PLEKHH2: variants seen among roughly 807,000 people sequenced by gnomAD.
PLEKHH2 encodes the protein pleckstrin homology domain-containing family H member 2.
In PLEKHH2, 129 loss-of-function variants were observed where a neutral mutation model predicts 187.9. That is an observed-to-expected ratio of 0.69 (90% confidence interval 0.59 to 0.79). The LOEUF is 0.79. Among genes scored for constraint, PLEKHH2 ranks in the 30% least tolerant of loss-of-function variants. PLEKHH2 has a pLI of 0.00. For missense variants in PLEKHH2, 2,076 were observed against 1,751.2 expected (o/e 1.19, Z -3.31); for synonymous variants, 686 against 605.6 (o/e 1.13, Z -1.95).
chr2:43,689,960 C>G (rs1296340289), intron 3 of PLEKHH2, among the ~76,000 whole-genome samples: 1 of 152,204 alleles, frequency 6.6e-6, no homozygotes, highest in Non-Finnish European at 1.5e-5. Flanking sequence ...CTTGCTTTAA[C>G]TTAATAAAAG....
At chr2:43,680,839 T>C (rs961356458) in intron 3 of PLEKHH2, 3 of 479,396 alleles carry the variant, frequency 6.3e-6, no homozygotes, top group Non-Finnish European at 1.1e-5. Context: ...TTGCTTGACT[T>C]ATTTGATTTC....
Position 43,753,583 on chromosome 2 carries a change from ATAATTTAATGAGAAATT to A in PLEKHH2, c.3654-33_3654-17del. The A allele has an allele frequency of 7.1e-7, 1 of 1,406,386 alleles. No individual in the cohort carries two copies. Among genetic ancestry groups the A allele is most frequent in the Non-Finnish European group, 9.4e-7 (1 of 1,061,624 alleles). The allele number at this position is 1,406,386 out of a possible 1,614,324, so 87.1% of individuals were successfully genotyped here. ...CTTTACTTTATTTCCTTGTAAGAATATAATTTAATGAGAAATTTACTCTTTTTTTTTACAGACTATAT... is the reference window on the plus strand; with the variant it reads ...CTTTACTTTATTTCCTTGTAAGAATATACTCTTTTTTTTTACAGACTATAT... On this transcript the variant is annotated intron_variant, in intron 24 of 29. Coordinates refer to ENST00000282406, the MANE Select transcript of PLEKHH2 (RefSeq NM_172069.4).
intron 27 of PLEKHH2, among the ~76,000 whole-genome samples, chr2:43,760,273 A>T (rs1672369409): frequency 6.6e-6 from 1 of 151,574 alleles, no homozygotes; most frequent in Admixed American, 6.6e-5. Flanking sequence ...TTCTTTCTTT[A>T]TAACAAGCGA....
intron 10 of PLEKHH2, among the ~76,000 whole-genome samples, chr2:43,707,110 C>G (rs997090623): frequency 1.4e-5 from 2 of 145,610 alleles, no homozygotes; most frequent in African/African-American, 5.2e-5. Context: ...TCAGGAGAAT[C>G]GCTTGAACCT....
intron 20 of PLEKHH2, among the ~76,000 whole-genome samples, chr2:43,739,933 A>G (rs368142927): frequency 2.0e-5 from 3 of 152,180 alleles, no homozygotes; most frequent in African/African-American, 7.2e-5. Context: ...TCCATTGGTT[A>G]TGCTTTAAAA....
intron 17 of PLEKHH2, among the ~76,000 whole-genome samples, chr2:43,728,435 G>A (rs1459572932): frequency 3.0e-5 from 4 of 134,794 alleles, no homozygotes; most frequent in Non-Finnish European, 4.6e-5. Flanking sequence ...TCGAGATCGC[G>A]CCATTGCACT....
intron 14 of PLEKHH2, chr2:43,710,870 T>C (rs949798469): frequency 1.7e-6 from 2 of 1,148,116 alleles, no homozygotes; most frequent in Admixed American, 4.5e-5. Context: ...GAAGCTATTT[T>C]AAGGAAGGGT....
Position 43,757,513 on chromosome 2 carries a change from G to A in PLEKHH2, c.3941+249G>A, listed in dbSNP as rs974189404. Among the ~76,000 whole-genome samples the A allele has an allele frequency of 7.4e-5, 11 of 149,626 alleles. No individual in the cohort carries two copies. Among genetic ancestry groups the A allele is most frequent in the African/African-American group, 2.0e-4 (8 of 40,500 alleles). On this transcript the variant is annotated intron_variant, in intron 26 of 29. Transcript: ENST00000282406. Reference sequence around the variant, plus strand: ...CGGCTCACTGCAAGCTCCGCCTCCCGGGTACAGCCATTCTCATGCCTCAGC... The same window carrying A: ...CGGCTCACTGCAAGCTCCGCCTCCCAGGTACAGCCATTCTCATGCCTCAGC...
intron 2 of PLEKHH2, among the ~76,000 whole-genome samples, chr2:43,650,562 CAA>C (rs764017842): frequency 2.9e-4 from 44 of 152,046 alleles, no homozygotes; most frequent in Admixed American, 2.4e-3. Flanking sequence ...GAGTATTTTG[CAA>C]AGTTATTGTC....
intron 3 of PLEKHH2, among the ~76,000 whole-genome samples, chr2:43,684,346 C>T (rs868230904): frequency 9.9e-5 from 15 of 152,104 alleles, no homozygotes; most frequent in Middle Eastern, 3.4e-3. Context: ...TCTTCCCTAT[C>T]TTTCCCTTCC....
At position 43,670,474 on chromosome 2, in the gene PLEKHH2, G is replaced by GA. The variant is rs535837682; in HGVS notation, c.124-8381dup. 1.1e-4 allele frequency among the ~76,000 whole-genome samples: 16 copies of GA among 151,684 alleles called. No individual in the cohort carries two copies. The East Asian group carries it at 2.3e-3, about 22-fold the overall frequency. ...AAGATAGAGTAAACCAATAAAAATT[G>GA]AAAAAAAATTGATTGCATATTTTAA... On this transcript the variant is annotated intron_variant, in intron 2 of 29. Coordinates refer to ENST00000282406, the MANE Select transcript of PLEKHH2 (RefSeq NM_172069.4).
intron 2 of PLEKHH2, among the ~76,000 whole-genome samples, chr2:43,666,243 GCATCCGT>G (rs1667198565): frequency 6.6e-6 from 1 of 150,942 alleles, no homozygotes; most frequent in South Asian, 2.1e-4. Flanking sequence ...TTTTCCAGGT[GCATCCGT>G]CACCCCTTTC....
intron 17 of PLEKHH2, among the ~76,000 whole-genome samples, chr2:43,728,194 G>T (rs556922196): frequency 6.6e-6 from 1 of 152,110 alleles, no homozygotes; most frequent in East Asian, 1.9e-4. Flanking sequence ...CTAAGAAAAT[G>T]TTGGCCAGGC....
At chr2:43,754,399 A>C (rs2104617258) in intron 25 of PLEKHH2, among the ~76,000 whole-genome samples, 1 of 151,398 alleles carries the variant, frequency 6.6e-6, no homozygotes, top group East Asian at 1.9e-4. Flanking sequence ...TCCGGGCTTC[A>C]GGGTGGGGGA....
In PLEKHH2 at chr2:43,704,073, G is replaced by A; in HGVS notation, c.1726+17G>A. 6.5e-7 allele frequency: 1 copy of A among 1,532,072 alleles called. No homozygotes were observed. The highest frequency in any genetic ancestry group is 9.0e-7 in the Non-Finnish European group (1 of 1,108,716). The allele number at this position is 1,532,072 out of a possible 1,614,324, so 94.9% of individuals were successfully genotyped here. ...TTAATAAAAGTAAGTGCTTTTTCATGCTGCCACCTGGATGAACCTTGAGGA... is the reference window on the plus strand; with the variant it reads ...TTAATAAAAGTAAGTGCTTTTTCATACTGCCACCTGGATGAACCTTGAGGA... On this transcript the variant is annotated intron_variant, in intron 9 of 29. Coordinates refer to ENST00000282406, the MANE Select transcript of PLEKHH2 (RefSeq NM_172069.4).
At chr2:43,660,293 T>C (rs1329580262) in intron 2 of PLEKHH2, among the ~76,000 whole-genome samples, 1 of 152,198 alleles carries the variant, frequency 6.6e-6, no homozygotes, top group Non-Finnish European at 1.5e-5. Flanking sequence ...TTGATGGTCA[T>C]TTGGGTTGTT....
rs1281451570 is a variant in PLEKHH2 at position 43,757,269 on chromosome 2, G to A, written c.3941+5G>A. The A allele has an allele frequency of 6.5e-7, 1 of 1,545,448 alleles. No homozygotes were observed. Among genetic ancestry groups the A allele is most frequent in the Non-Finnish European group, 8.7e-7 (1 of 1,152,622 alleles). ...CTGTTCTGAAGAGCAGTTAAGGTAA[G>A]GAAATCTTTGTAACTCTTTATAGGG... On this transcript the variant is annotated splice_donor_5th_base_variant and intron_variant, in intron 26 of 29. Coordinates refer to ENST00000282406, the MANE Select transcript of PLEKHH2 (RefSeq NM_172069.4).
At chr2:43,732,752 T>A (rs1671105112) in intron 19 of PLEKHH2, among the ~76,000 whole-genome samples, 1 of 152,190 alleles carries the variant, frequency 6.6e-6, no homozygotes, top group Non-Finnish European at 1.5e-5. Context: ...CTAGTCTGGT[T>A]TGTTTCTATT....
Position 43,697,269 on chromosome 2 carries a change from A to G in PLEKHH2, c.601A>G (p.Arg201Gly). The change falls in exon 7 of 30, where the codon AGG (arginine) becomes GGG (glycine). Residue 201 changes from arginine (R) to glycine (G), a missense_variant. Physicochemically the swap from Arg to Gly is moderately radical, Grantham distance 125. Transcript: ENST00000282406. ...CTTTGGGTGCTTTTTATCTCGAGCAAGGAGTCCTCCTCAAGTAGTAAAATC... is the reference window on the plus strand; with the variant it reads ...CTTTGGGTGCTTTTTATCTCGAGCAGGGAGTCCTCCTCAAGTAGTAAAATC... ...LTFGCFLSRARSPPQVVKSEE... is the reference protein window; with the variant it reads ...LTFGCFLSRAGSPPQVVKSEE... 1.2e-6 allele frequency: 2 copies of G among 1,613,892 alleles called. No homozygotes were observed. Among genetic ancestry groups the G allele is most frequent in the Non-Finnish European group, 8.5e-7 (1 of 1,179,800 alleles).
Sources: gnomAD v4.1 joint callset for allele counts (sites outside exome capture counted in the v4.1 genomes callset) on GRCh38, gnomAD v4.1.1 for gene constraint, MANE v1.5 for transcripts, NCBI Gene and HGNC (gene_info 2026-07-23, HGNC 2026-07-21) for gene names.